ERBB4: variants seen among roughly 807,000 people sequenced by gnomAD.
ERBB4 encodes receptor tyrosine-protein kinase erbB-4.
A neutral mutation model predicts 158.0 loss-of-function variants in ERBB4; 42 were observed. The ratio of observed to expected loss-of-function variants is 0.27; its 90% CI spans 0.21 to 0.34. The LOEUF (loss-of-function observed/expected upper bound fraction) is 0.34, where lower values mean the gene tolerates loss of function less well. Ranked by LOEUF, ERBB4 falls within the 10% of genes least tolerant of loss-of-function variation. The pLI, the probability that ERBB4 is intolerant of heterozygous loss-of-function variation, is 1.00. For synonymous variants in ERBB4, 583 were observed against 558.7 expected, an observed-to-expected ratio of 1.04 and a Z score of -0.61; for missense variants, 1,333 against 1,624.1, an observed-to-expected ratio of 0.82 and a Z score of 3.08.
At chr2:212,068,512 T>G (rs2078009485) in intron 2 of ERBB4, among the ~76,000 whole-genome samples, 1 of 152,020 alleles carries the variant, frequency 6.6e-6, no homozygotes, top group Admixed American at 6.6e-5. Context: ...AACAGGCCAG[T>G]TTAAATCTTC....
At chr2:211,798,938 A>C (rs990437860) in intron 3 of ERBB4, among the ~76,000 whole-genome samples, 1 of 152,140 alleles carries the variant, frequency 6.6e-6, no homozygotes, top group African/African-American at 2.4e-5. Context: ...ACCCTTTAGT[A>C]ATTTCCTGTC....
At chr2:211,970,222 T>A (rs2081413351) in intron 2 of ERBB4, among the ~76,000 whole-genome samples, 2 of 152,194 alleles carry the variant, frequency 1.3e-5, no homozygotes, top group Admixed American at 1.3e-4. Context: ...TAGTCTAAAT[T>A]TCAAATTTGA....
chr2:211,624,416 A>T (rs2069756468), intron 17 of ERBB4, among the ~76,000 whole-genome samples: 1 of 152,120 alleles, frequency 6.6e-6, no homozygotes, highest in African/African-American at 2.4e-5. Context: ...AGGGGAAAAA[A>T]ACGCACAATG....
chr2:211,588,284 A>G (rs1009229313), intron 19 of ERBB4, among the ~76,000 whole-genome samples: 6 of 152,150 alleles, frequency 3.9e-5, no homozygotes, highest in Admixed American at 2.0e-4. Flanking sequence ...ATGGGTATGA[A>G]AATTCATCAT....
chr2:211,538,753 C>T (rs540345681), intron 20 of ERBB4, among the ~76,000 whole-genome samples: 1 of 151,788 alleles, frequency 6.6e-6, no homozygotes, highest in East Asian at 1.9e-4. Context: ...ATATTGGGTT[C>T]GTAGAATTGA....
intron 20 of ERBB4, among the ~76,000 whole-genome samples, chr2:211,448,467 T>TACACACACAC (rs3067955): frequency 1.9e-4 from 28 of 149,540 alleles, no homozygotes; most frequent in South Asian, 8.4e-4. Context: ...CCCAAACAGA[T>TACACACACAC]ACACACACAC....
chr2:211,814,019 T>A (rs1416870732), intron 3 of ERBB4, among the ~76,000 whole-genome samples: 1 of 152,156 alleles, frequency 6.6e-6, no homozygotes, highest in East Asian at 1.9e-4. Context: ...TATGTATACA[T>A]ATTCTAAAAA....
intron 1 of ERBB4, among the ~76,000 whole-genome samples, chr2:212,251,113 C>G (rs2084516092): frequency 6.6e-6 from 1 of 151,934 alleles, no homozygotes; most frequent in Non-Finnish European, 1.5e-5. Context: ...ACTTGTTATT[C>G]TATTGAGGAT....
chr2:211,772,430 C>T (rs1426643220), intron 4 of ERBB4, among the ~76,000 whole-genome samples: 2 of 151,778 alleles, frequency 1.3e-5, no homozygotes, highest in Non-Finnish European at 2.9e-5. Context: ...AAATCAGAAA[C>T]AGAAAATGAA....
intron 5 of ERBB4, among the ~76,000 whole-genome samples, chr2:211,745,180 A>G (rs13004180): frequency 6.6e-6 from 1 of 151,790 alleles, no homozygotes; most frequent in East Asian, 1.9e-4. Context: ...AGCCTAAAAT[A>G]ACTGACTTTA....
chr2:211,845,134 G>A (rs2077559156), intron 3 of ERBB4, among the ~76,000 whole-genome samples: 1 of 151,986 alleles, frequency 6.6e-6, no homozygotes, highest in African/African-American at 2.4e-5. Flanking sequence ...ACAGGTGGAA[G>A]GTTTCCCCAA....
chr2:211,771,579 AC>A (rs1281899341), intron 4 of ERBB4, among the ~76,000 whole-genome samples: 1 of 152,246 alleles, frequency 6.6e-6, no homozygotes, highest in African/African-American at 2.4e-5. Context: ...AGGTAAGTAT[AC>A]AGTTTAATAA....
chr2:212,196,026 C>A (rs989329277), intron 1 of ERBB4, among the ~76,000 whole-genome samples: 1 of 152,002 alleles, frequency 6.6e-6, no homozygotes, highest in East Asian at 1.9e-4. Flanking sequence ...CTAACAAAAG[C>A]AATTTTAATG....
chr2:211,730,136 T>C (rs1187602773), intron 5 of ERBB4, among the ~76,000 whole-genome samples: 2 of 151,972 alleles, frequency 1.3e-5, no homozygotes, highest in Non-Finnish European at 2.9e-5. Flanking sequence ...CTTATCAGTA[T>C]CTCACTAATA....
intron 3 of ERBB4, among the ~76,000 whole-genome samples, chr2:211,897,828 C>T (rs2079138559): frequency 6.6e-6 from 1 of 152,202 alleles, no homozygotes; most frequent in Non-Finnish European, 1.5e-5. Flanking sequence ...ACTGTAACCT[C>T]AAACTCCTGG....
At chr2:211,422,185 A>C in intron 23 of ERBB4, 81 bp from the exon 24 acceptor site, 1 of 912,102 alleles carries the variant, frequency 1.1e-6, no homozygotes, top group South Asian at 1.3e-5. Context: ...AAATATGAGC[A>C]AAAGTTTGAA....
At chr2:211,792,235 C>G (rs987417139) in intron 3 of ERBB4, among the ~76,000 whole-genome samples, 1 of 151,708 alleles carries the variant, frequency 6.6e-6, no homozygotes, top group African/African-American at 2.4e-5. Context: ...GTTATCTTGA[C>G]TGGTCCTATG....
intron 3 of ERBB4, among the ~76,000 whole-genome samples, chr2:211,874,183 C>T (rs1043230343): frequency 3.3e-5 from 5 of 151,960 alleles, no homozygotes; most frequent in Admixed American, 1.3e-4. Flanking sequence ...ACCTGCTGCT[C>T]TCATTTTTTT....
chr2:212,332,341 A>T (rs1475313852), intron 1 of ERBB4, among the ~76,000 whole-genome samples: 2 of 151,922 alleles, frequency 1.3e-5, no homozygotes, highest in Non-Finnish European at 1.5e-5. Flanking sequence ...GCCATGTGGA[A>T]CTGTAAGTCC....
Sources: allele counts gnomAD v4.1 joint callset (sites outside exome capture counted in the v4.1 genomes callset), GRCh38; gene constraint gnomAD v4.1.1; transcripts MANE v1.5; gene names NCBI Gene and HGNC (gene_info 2026-07-23, HGNC 2026-07-21).